Variants in AOX1 observed in about 807,000 individuals in gnomAD.
The protein encoded by AOX1 is aldehyde oxidase.
Under a neutral mutation model 169.5 loss-of-function variants are expected in AOX1, and 153 were observed. The ratio of observed to expected loss-of-function variants is 0.90; its 90% CI spans 0.79 to 1.03. The LOEUF is 1.03. Among genes scored for constraint, AOX1 ranks in the 50% least tolerant of loss-of-function variants. The pLI is 0.00. For missense variants in AOX1, 1,656 were observed against 1,663.9 expected, an observed-to-expected ratio of 1.00 and a Z score of 0.08; for synonymous variants, 562 against 581.9, an observed-to-expected ratio of 0.97 and a Z score of 0.49.
chr2:200,630,210 TAAAAAAAAAA>T (rs57410809), intron 20 of AOX1, among the ~76,000 whole-genome samples: 3,751 of 95,540 alleles, frequency 0.039, 109 homozygotes, highest in African/African-American at 0.098. Flanking sequence ...TCCTTCTATT[TAAAAAAAAAA>T]AAAAAAAAAA....
intron 27 of AOX1, among the ~76,000 whole-genome samples, chr2:200,658,170 C>A (rs767509844): frequency 3.9e-5 from 6 of 152,142 alleles, no homozygotes; most frequent in Non-Finnish European, 8.8e-5. Context: ...CAGGTGTGAC[C>A]ATTTTAAATT....
rs766884178 is a variant in AOX1 at position 200,659,242 on chromosome 2, A to C, written c.3249A>C (p.Ala1083=). 6.2e-6 allele frequency: 10 copies of C among 1,613,878 alleles called. No individual in the cohort carries two copies. Among genetic ancestry groups the C allele is most frequent in the Middle Eastern group, 1.6e-4 (1 of 6,074 alleles). ...RGTSTETVPN[A]NISGGSVVAD... ...CAAGCACAGAAACTGTCCCTAATGC[A>C]AATATCTCTGGAGGTTCTGTGGTGG... is the stretch of plus-strand genomic sequence containing the variant. Residue 1083 remains alanine, a synonymous_variant, in exon 28 of 35, where the codon GCA becomes GCC. Transcript: ENST00000374700.
At position 200,651,119 on chromosome 2, in the gene AOX1, C is replaced by A. The variant is rs192036221; in HGVS notation, c.2993C>A (p.Ala998Glu). 2.5e-6 allele frequency: 4 copies of A among 1,614,172 alleles called. No individual in the cohort carries two copies. The Admixed American group carries it at 6.7e-5, about 27-fold the overall frequency. The change falls in exon 26 of 35, where the codon GCA (alanine) becomes GAA (glutamate). Residue 998 changes from alanine (A) to glutamate (E), a missense_variant. Transcript: ENST00000374700. ...AAAGTTGCTGTGGAAAAGTTCAATG[C>A]AGAGAATTATTGGAAGAAGAAAGGA... The part of the protein sequence containing the change: ...LRKVAVEKFN[A>E]ENYWKKKGLA...
At chr2:200,621,004 A>T (rs1559242037) in intron 17 of AOX1, 116 bp from the exon 18 acceptor site, 2 of 1,392,750 alleles carry the variant, frequency 1.4e-6, no homozygotes, top group Non-Finnish European at 1.9e-6. Context: ...TTTTTTCCCA[A>T]TTGTCTGGCA....
intron 9 of AOX1, 48 bp downstream of exon 9, chr2:200,604,888 CT>C: frequency 1.2e-4 from 92 of 774,868 alleles, no homozygotes; most frequent in Middle Eastern, 5.4e-4. Context: ...AGAAAAAGGG[CT>C]TGGGATGGGG....
chr2:200,642,573 A>G (rs1356569421), intron 24 of AOX1, 37 bp from the exon 25 acceptor site: 15 of 1,597,110 alleles, frequency 9.4e-6, no homozygotes, highest in Non-Finnish European at 1.3e-5. Context: ...AAACAGGTTC[A>G]GAAGATCTTA....
At chr2:200,594,478 T>C (rs888016812) in intron 2 of AOX1, among the ~76,000 whole-genome samples, 1 of 152,160 alleles carries the variant, frequency 6.6e-6, no homozygotes, top group Non-Finnish European at 1.5e-5. Context: ...GTCACAATGT[T>C]GTTGAGGAAC....
chr2:200,632,975 CA>C (rs1298690050), intron 20 of AOX1, among the ~76,000 whole-genome samples: 1 of 151,476 alleles, frequency 6.6e-6, no homozygotes, highest in African/African-American at 2.4e-5. Flanking sequence ...CAGCTCACTG[CA>C]ACCTCTGACT....
intron 20 of AOX1, among the ~76,000 whole-genome samples, chr2:200,632,114 C>CATTAACATG (rs2035139498): frequency 6.6e-6 from 1 of 151,986 alleles, no homozygotes; most frequent in Non-Finnish European, 1.5e-5. Flanking sequence ...TTCTGCCTTC[C>CATTAACATG]ATTAACATGA....
At chr2:200,662,576 A>G (rs1013067346) in intron 30 of AOX1, among the ~76,000 whole-genome samples, 1 of 152,242 alleles carries the variant, frequency 6.6e-6, no homozygotes, top group African/African-American at 2.4e-5. Flanking sequence ...AGCCAAAAGC[A>G]GTAAGATGGA....
chr2:200,601,073 CTTTTTTT>C (rs58855977), intron 5 of AOX1, among the ~76,000 whole-genome samples: 3 of 120,482 alleles, frequency 2.5e-5, no homozygotes, highest in Non-Finnish European at 5.0e-5. Flanking sequence ...GCTTAGAGTG[CTTTTTTT>C]TTTTTTTTTT....
intron 25 of AOX1, among the ~76,000 whole-genome samples, chr2:200,644,625 G>T (rs911003216): frequency 1.3e-5 from 2 of 152,140 alleles, no homozygotes; most frequent in African/African-American, 4.8e-5. Context: ...CACTGAATTT[G>T]TAGATTGCTT....
intron 25 of AOX1, among the ~76,000 whole-genome samples, chr2:200,644,111 T>C (rs1283765229): frequency 2.0e-5 from 3 of 152,234 alleles, no homozygotes; most frequent in African/African-American, 7.2e-5. Flanking sequence ...CATTTGCTTT[T>C]GAGTTCTTGG....
chr2:200,619,257 C>T (rs2034832098), intron 16 of AOX1, among the ~76,000 whole-genome samples: 1 of 152,136 alleles, frequency 6.6e-6, no homozygotes, highest in Non-Finnish European at 1.5e-5. Context: ...TTGTAAGGCT[C>T]ATCTAAAAGG....
At chr2:200,589,610 G>T (rs1404608614) in intron 1 of AOX1, among the ~76,000 whole-genome samples, 1 of 143,930 alleles carries the variant, frequency 6.9e-6, no homozygotes, top group Non-Finnish European at 1.6e-5. Context: ...ATAGAGAGAG[G>T]TTAGCAGGGT....
At chr2:200,587,728 T>C (rs535107474) in intron 1 of AOX1, among the ~76,000 whole-genome samples, 7 of 152,086 alleles carry the variant, frequency 4.6e-5, no homozygotes, top group Non-Finnish European at 1.0e-4. Context: ...CATTATGTCA[T>C]TTTTTTCTTC....
At chr2:200,627,481 G>A (rs1292893187) in intron 20 of AOX1, 32 bp downstream of exon 20, 3 of 1,479,126 alleles carry the variant, frequency 2.0e-6, no homozygotes, top group Non-Finnish European at 2.8e-6. Context: ...AACAACCCTG[G>A]AAGTCTTCTA....
At chr2:200,601,971 G>T (rs566792439) in intron 5 of AOX1, among the ~76,000 whole-genome samples, 1 of 151,768 alleles carries the variant, frequency 6.6e-6, no homozygotes, top group Non-Finnish European at 1.5e-5. Context: ...TTAAAATAAG[G>T]CTTAGCTCTT....
chr2:200,659,092 T>TGA, intron 27 of AOX1, 73 bp from the exon 28 acceptor site: 2 of 1,475,648 alleles, frequency 1.4e-6, no homozygotes, highest in Non-Finnish European at 1.9e-6. Flanking sequence ...CACACATGTG[T>TGA]TACCACGTGG....
Sources: allele counts gnomAD v4.1 joint callset (sites outside exome capture counted in the v4.1 genomes callset), GRCh38; gene constraint gnomAD v4.1.1; transcripts MANE v1.5; gene names NCBI Gene and HGNC (gene_info 2026-07-23, HGNC 2026-07-21).